Variants in GALNT13 observed in about 807,000 individuals in gnomAD.
GALNT13 encodes the protein UDP-GalNAc:polypeptide N-acetylgalactosaminyltransferase 13.
In GALNT13, 28 loss-of-function variants were observed where a neutral mutation model predicts 64.2. That is an observed-to-expected ratio of 0.44 (90% CI 0.32 to 0.60). The LOEUF is 0.60. GALNT13 is among the 20% of genes least tolerant of loss of function. GALNT13 has a pLI of 0.05. For synonymous variants in GALNT13, 214 were observed against 224.6 expected (o/e 0.95, Z 0.42); for missense variants, 577 against 669.8 (o/e 0.86, Z 1.53).
At chr2:153,877,892 A>G in intron 1 of GALNT13, among the ~76,000 whole-genome samples, 1 of 152,174 alleles carries the variant, frequency 6.6e-6, no homozygotes, top group East Asian at 1.9e-4. Flanking sequence ...AGGTCTTAAC[A>G]TGTTTTATCT....
In GALNT13 at chr2:153,937,301, T is replaced by C. The variant is rs150234206; in HGVS notation, c.-104-7093T>C. Among the ~76,000 whole-genome samples the C allele has an allele frequency of 2.1e-3, 321 of 152,212 alleles. 1 individual carries two copies. Among genetic ancestry groups the C allele is most frequent in the Non-Finnish European group, 3.5e-3 (240 of 67,992 alleles). ...TATACAATGGAATATTATTTGGCAA[T>C]AAAAAGAAATGAAGTACTTGTATAT... On this transcript the variant is annotated intron_variant, in intron 2 of 12. Coordinates refer to ENST00000392825, the MANE Select transcript of GALNT13 (RefSeq NM_052917.4).
In GALNT13 at chr2:154,439,485, G is replaced by A. The variant is rs182423749; in HGVS notation, c.1530+759G>A. Reference sequence around the variant, plus strand: ...TGTTACATTTCCCACATTATTAAGTGGTAGGTGATTTATTTAAAAGGAAAA... The same window carrying A: ...TGTTACATTTCCCACATTATTAAGTAGTAGGTGATTTATTTAAAAGGAAAA... On this transcript the variant is annotated intron_variant, in intron 12 of 12. Coordinates refer to ENST00000392825, the MANE Select transcript of GALNT13 (RefSeq NM_052917.4). Among the ~76,000 whole-genome samples, 600 of 152,174 alleles carry A rather than the reference G, an allele frequency of 3.9e-3. 6 individuals are homozygous for A. Among genetic ancestry groups the A allele is most frequent in the African/African-American group, 0.014 (583 of 41,542 alleles).
chr2:154,301,444 T>C lies in GALNT13; in HGVS notation c.1011T>C (p.Thr337=). 6.2e-7 allele frequency: 1 copy of C among 1,613,474 alleles called. No homozygotes were observed. The highest frequency in any genetic ancestry group is 2.2e-5 in the East Asian group (1 of 44,850). The stretch of plus-strand genomic sequence containing the variant: ...GTGGAGGCTCCTTGGAGATTGTTAC[T>C]TGCTCCCATGTTGGTCATGTTTTTC... ...WQCGGSLEIV[T]CSHVGHVFRK... The change falls in exon 9 of 13, where the codon ACT becomes ACC. Residue 337 remains threonine, a synonymous_variant. Transcript: ENST00000392825.
chr2:153,665,127 A>T, the GALNT13 span, among the ~76,000 whole-genome samples: 1 of 152,198 alleles, frequency 6.6e-6, no homozygotes, highest in Admixed American at 6.5e-5. Context: ...ATTGATCCTC[A>T]CTTTCAATGG....
chr2:153,975,510 T>C (rs1694018244), intron 3 of GALNT13, among the ~76,000 whole-genome samples: 1 of 152,124 alleles, frequency 6.6e-6, no homozygotes, highest in African/African-American at 2.4e-5. Flanking sequence ...ATCAGTCCCT[T>C]TGCATTTTCT....
At chr2:153,224,063 A>C in the GALNT13 span, among the ~76,000 whole-genome samples, 1 of 152,218 alleles carries the variant, frequency 6.6e-6, no homozygotes, top group African/African-American at 2.4e-5. Context: ...AAATGTATTA[A>C]AAGAGAGATT....
the GALNT13 span, among the ~76,000 whole-genome samples, chr2:153,764,899 A>C: frequency 6.6e-6 from 1 of 152,232 alleles, no homozygotes; most frequent in Non-Finnish European, 1.5e-5. Flanking sequence ...CCATTGCTTC[A>C]GAGGGTGCAG....
chr2:153,876,202 T>TCCAC (rs148925207), intron 1 of GALNT13, among the ~76,000 whole-genome samples: 1 of 148,622 alleles, frequency 6.7e-6, no homozygotes, highest in Non-Finnish European at 1.5e-5. Flanking sequence ...CCCCCCACAC[T>TCCAC]ACACACACAC....
At chr2:154,171,280 A>G (rs1294627742) in intron 4 of GALNT13, among the ~76,000 whole-genome samples, 1 of 152,112 alleles carries the variant, frequency 6.6e-6, no homozygotes, top group Non-Finnish European at 1.5e-5. Context: ...GATGGGAGGG[A>G]ATTAATACCA....
the GALNT13 span, among the ~76,000 whole-genome samples, chr2:153,392,334 TA>T: frequency 1.0e-4 from 15 of 150,588 alleles, no homozygotes; most frequent in Non-Finnish European, 1.2e-4. Flanking sequence ...AATGAAATAT[TA>T]AAAAAAAACC....
At chr2:153,694,141 T>A in the GALNT13 span, among the ~76,000 whole-genome samples, 1 of 152,172 alleles carries the variant, frequency 6.6e-6, no homozygotes, top group Non-Finnish European at 1.5e-5. Context: ...ATCGTGAAAT[T>A]ACTGCTATCT....
At chr2:153,990,329 T>G (rs1263140189) in intron 3 of GALNT13, among the ~76,000 whole-genome samples, 1 of 152,132 alleles carries the variant, frequency 6.6e-6, no homozygotes, top group African/African-American at 2.4e-5. Flanking sequence ...AGAAGATATA[T>G]TTGCCAATGG....
At chr2:154,152,953 G>A (rs1684145300) in intron 4 of GALNT13, among the ~76,000 whole-genome samples, 1 of 152,210 alleles carries the variant, frequency 6.6e-6, no homozygotes, top group Non-Finnish European at 1.5e-5. Context: ...TCTCCGTCCA[G>A]CTTTGTTCCA....
intron 3 of GALNT13, among the ~76,000 whole-genome samples, chr2:153,973,646 T>C (rs1693888186): frequency 6.6e-6 from 1 of 151,770 alleles, no homozygotes; most frequent in African/African-American, 2.4e-5. Flanking sequence ...GAACCTATGA[T>C]TGATCTGTGA....
intron 3 of GALNT13, among the ~76,000 whole-genome samples, chr2:153,991,300 C>A (rs141161055): frequency 6.6e-6 from 1 of 152,024 alleles, no homozygotes; most frequent in Non-Finnish European, 1.5e-5. Flanking sequence ...CTGGTCAAAT[C>A]GAAGGATTGA....
At chr2:153,771,390 G>C in the GALNT13 span, among the ~76,000 whole-genome samples, 228 of 152,254 alleles carry the variant, frequency 1.5e-3, 1 homozygote, top group African/African-American at 5.2e-3. Flanking sequence ...AAGTGCCACT[G>C]CACCAAGTCC....
At chr2:153,451,710 T>C in the GALNT13 span, among the ~76,000 whole-genome samples, 1 of 152,242 alleles carries the variant, frequency 6.6e-6, no homozygotes. Context: ...AATTTCATTT[T>C]CGATACTGTA....
At chr2:153,844,901 G>T in the GALNT13 span, among the ~76,000 whole-genome samples, 7 of 152,116 alleles carry the variant, frequency 4.6e-5, no homozygotes, top group African/African-American at 1.7e-4. Flanking sequence ...TCTTTGCTAA[G>T]GCATAACATA....
At chr2:153,433,747 GT>G in the GALNT13 span, among the ~76,000 whole-genome samples, 4 of 152,090 alleles carry the variant, frequency 2.6e-5, no homozygotes, top group African/African-American at 9.7e-5. Context: ...AAAGAGAAGA[GT>G]TTTAACATCA....
Sources: allele counts gnomAD v4.1 joint callset (sites outside exome capture counted in the v4.1 genomes callset), GRCh38; gene constraint gnomAD v4.1.1; transcripts MANE v1.5; gene names NCBI Gene and HGNC (gene_info 2026-07-23, HGNC 2026-07-21).